FOCAD: variants seen among roughly 807,000 people sequenced by gnomAD.
FOCAD encodes KIAA1797.
A neutral mutation model predicts 225.6 loss-of-function variants in FOCAD; 198 were observed. That is an observed-to-expected ratio of 0.88 (90% confidence interval 0.78 to 0.99). The LOEUF (loss-of-function observed/expected upper bound fraction) is 0.99. FOCAD is among the 50% of genes least tolerant of loss of function. The probability of loss-of-function intolerance (pLI) is 0.00; values close to 1 mark genes in which losing one functional copy is unlikely to be tolerated. For synonymous variants in FOCAD, 897 were observed against 755.0 expected (o/e 1.19, Z -3.08); for missense variants, 2,713 against 2,123.6 (o/e 1.28, Z -5.46).
At chr9:20,966,449 A>C (rs140023709) in intron 35 of FOCAD, among the ~76,000 whole-genome samples, 1 of 152,078 alleles carries the variant, frequency 6.6e-6, no homozygotes, top group Admixed American at 6.5e-5. Context: ...ATAATTTGCA[A>C]ATTCTGCCAT....
chr9:20,958,115 A>G (rs1838368234), intron 35 of FOCAD, among the ~76,000 whole-genome samples: 1 of 152,196 alleles, frequency 6.6e-6, no homozygotes, highest in African/African-American at 2.4e-5. Flanking sequence ...CCACTTCTGT[A>G]AAATGGAGAA....
At chr9:20,759,244 G>A (rs1188095425) in intron 6 of FOCAD, among the ~76,000 whole-genome samples, 8 of 152,128 alleles carry the variant, frequency 5.3e-5, no homozygotes, top group Middle Eastern at 3.2e-3. Flanking sequence ...AAAAGAGCCC[G>A]CATTGCCAAG....
chr9:20,724,306 C>A (rs1826024135), intron 4 of FOCAD, among the ~76,000 whole-genome samples: 1 of 152,038 alleles, frequency 6.6e-6, no homozygotes, highest in Admixed American at 6.5e-5. Context: ...TAATCTTTTA[C>A]AATAGATAGT....
intron 2 of FOCAD, among the ~76,000 whole-genome samples, chr9:20,677,599 T>C (rs567829920): frequency 5.9e-5 from 9 of 151,494 alleles, no homozygotes; most frequent in African/African-American, 2.2e-4. Context: ...GGCCAATAGA[T>C]ATAGGAAAAA....
chr9:20,901,331 C>T (rs1380047542), intron 21 of FOCAD, among the ~76,000 whole-genome samples: 3 of 151,396 alleles, frequency 2.0e-5, no homozygotes, highest in Non-Finnish European at 3.0e-5. Context: ...TTACATGTGG[C>T]AAACATGAAA....
At chr9:20,946,880 C>T in intron 30 of FOCAD, 60 bp downstream of exon 30, 2 of 1,595,902 alleles carry the variant, frequency 1.3e-6, no homozygotes, top group East Asian at 2.3e-5. Flanking sequence ...CTAAGTTTTG[C>T]TTTTGACTTA....
intron 11 of FOCAD, among the ~76,000 whole-genome samples, chr9:20,811,646 A>G (rs1363601181): frequency 2.6e-5 from 4 of 151,910 alleles, no homozygotes. Context: ...TTTTTTTGTG[A>G]TGTTGCTTAC....
intron 18 of FOCAD, 131 bp downstream of exon 18, chr9:20,867,143 A>G: frequency 1.8e-6 from 1 of 555,732 alleles, no homozygotes; most frequent in Admixed American, 3.2e-5. Context: ...TGCAAGATAC[A>G]AATTCATACC....
At chr9:20,719,837 G>C (rs1197961567) in intron 3 of FOCAD, among the ~76,000 whole-genome samples, 1 of 129,724 alleles carries the variant, frequency 7.7e-6, no homozygotes, top group Non-Finnish European at 1.5e-5. Context: ...CTGGTGGCCT[G>C]TCCTACTTCT....
At chr9:20,732,069 A>G (rs1826761251) in intron 4 of FOCAD, among the ~76,000 whole-genome samples, 1 of 152,178 alleles carries the variant, frequency 6.6e-6, no homozygotes, top group African/African-American at 2.4e-5. Context: ...TATTAAGCCC[A>G]GCATGCATTA....
intron 1 of FOCAD, among the ~76,000 whole-genome samples, chr9:20,712,529 G>C (rs1025239194): frequency 6.6e-6 from 1 of 151,730 alleles, no homozygotes; most frequent in Non-Finnish European, 1.5e-5. Context: ...CCCAGTGGTG[G>C]TGGGTGCCTG....
At chr9:20,822,658 A>C (rs1248040269) in intron 14 of FOCAD, among the ~76,000 whole-genome samples, 1 of 152,156 alleles carries the variant, frequency 6.6e-6, no homozygotes, top group African/African-American at 2.4e-5. Flanking sequence ...ATCTTTACTA[A>C]TCTCAATTAG....
chr9:20,664,686 C>G (rs1213049977), intron 2 of FOCAD, among the ~76,000 whole-genome samples: 1 of 145,692 alleles, frequency 6.9e-6, no homozygotes, highest in Admixed American at 7.0e-5. Flanking sequence ...GCTTTGTTGA[C>G]CAGGCTGGTT....
At chr9:20,832,027 C>G (rs1286835836) in intron 15 of FOCAD, among the ~76,000 whole-genome samples, 1 of 152,014 alleles carries the variant, frequency 6.6e-6, no homozygotes, top group African/African-American at 2.4e-5. Context: ...TGTATCAATA[C>G]TTTTTATAGT....
At chr9:20,799,607 T>C (rs2131271024) in intron 11 of FOCAD, among the ~76,000 whole-genome samples, 1 of 151,808 alleles carries the variant, frequency 6.6e-6, no homozygotes, top group South Asian at 2.1e-4. Flanking sequence ...TGTAATGGCC[T>C]TCTTTGTCTG....
intron 11 of FOCAD, among the ~76,000 whole-genome samples, chr9:20,799,291 T>G (rs1329036670): frequency 6.6e-6 from 1 of 152,118 alleles, no homozygotes; most frequent in Non-Finnish European, 1.5e-5. Flanking sequence ...TTGGAATAGG[T>G]GTGGTGTGGT....
At chr9:20,718,386 A>C (rs999654332) in intron 3 of FOCAD, among the ~76,000 whole-genome samples, 1 of 152,246 alleles carries the variant, frequency 6.6e-6, no homozygotes, top group Non-Finnish European at 1.5e-5. Context: ...TTACTGAGAT[A>C]CACTTGGGGT....
At chr9:20,962,283 G>C (rs10811438) in intron 35 of FOCAD, among the ~76,000 whole-genome samples, 55,146 of 151,862 alleles carry the variant, frequency 0.36, 10,268 homozygotes, top group East Asian at 0.43. Context: ...CACTAGGTGT[G>C]ATTTCCTCAA....
chr9:20,774,275 T>C (rs1818535771), intron 8 of FOCAD, among the ~76,000 whole-genome samples: 1 of 152,184 alleles, frequency 6.6e-6, no homozygotes. Context: ...GTTCAGGATA[T>C]TTTGTTTTTT....
Sources: allele counts gnomAD v4.1 joint callset (sites outside exome capture counted in the v4.1 genomes callset), GRCh38; gene constraint gnomAD v4.1.1; transcripts MANE v1.5; gene names NCBI Gene and HGNC (gene_info 2026-07-23, HGNC 2026-07-21).